The following PAK2 variants were observed in gnomAD, a reference collection of about 807,000 sequenced individuals.
PAK2 encodes p21 (RAC1) activated kinase 2.
In PAK2, 21 loss-of-function variants were observed where a neutral mutation model predicts 65.9. The observed-to-expected ratio is 0.32, with a 90% confidence interval of 0.23 to 0.46. PAK2 has a LOEUF of 0.46. Ranked by LOEUF, PAK2 falls within the 20% of genes least tolerant of loss-of-function variation. The pLI, the probability that PAK2 is intolerant of heterozygous loss-of-function variation, is 1.00. For missense variants in PAK2, 324 were observed against 642.6 expected (o/e 0.50, Z 5.36); for synonymous variants, 204 against 219.7 (o/e 0.93, Z 0.63).
At chr3:196,762,049 C>T (rs1474219939) in intron 1 of PAK2, among the ~76,000 whole-genome samples, 2 of 139,804 alleles carry the variant, frequency 1.4e-5, no homozygotes, top group Non-Finnish European at 3.1e-5. Flanking sequence ...CGCTCCTCAC[C>T]TCCCAGACGG....
chr3:196,769,448 A>C (rs1291772114), intron 1 of PAK2, among the ~76,000 whole-genome samples: 1 of 151,948 alleles, frequency 6.6e-6, no homozygotes, highest in East Asian at 1.9e-4. Context: ...TGGTGGCATT[A>C]AGTATATTCA....
In PAK2 at chr3:196,790,934, T is replaced by G. The variant is rs1482804916; in HGVS notation, c.187+8101T>G. ...GCTCTTTAGATAAACTACTTTATATTCCTTTGTATCTGTACCTTAAGCTCT... is the reference window on the plus strand; with the variant it reads ...GCTCTTTAGATAAACTACTTTATATGCCTTTGTATCTGTACCTTAAGCTCT... On this transcript the variant is annotated intron_variant, in intron 2 of 14. Coordinates refer to ENST00000327134, the MANE Select transcript of PAK2 (RefSeq NM_002577.4). Among the ~76,000 whole-genome samples, 4 of 152,224 alleles carry G rather than the reference T, an allele frequency of 2.6e-5. No homozygotes were observed. The East Asian group carries it at 7.7e-4, about 29-fold the overall frequency.
At chr3:196,782,457 C>G (rs534238374) in intron 1 of PAK2, among the ~76,000 whole-genome samples, 169 bp from the exon 2 acceptor site, 27 of 152,256 alleles carry the variant, frequency 1.8e-4, no homozygotes, top group African/African-American at 6.3e-4. Flanking sequence ...TGGGGGTAAA[C>G]TCAAGAGAGT....
chr3:196,798,671 C>T (rs1473521490), intron 2 of PAK2, among the ~76,000 whole-genome samples: 1 of 152,078 alleles, frequency 6.6e-6, no homozygotes, highest in Non-Finnish European at 1.5e-5. Context: ...AAGATTTTAG[C>T]AGTTGGAATC....
At chr3:196,761,468 T>TG (rs1278122465) in intron 1 of PAK2, among the ~76,000 whole-genome samples, 1 of 78,222 alleles carries the variant, frequency 1.3e-5, no homozygotes, top group South Asian at 4.8e-4. Flanking sequence ...AGCACAGGGT[T>TG]GGGGGTAAGG....
chr3:196,823,293 A>G (rs983648111), intron 13 of PAK2, among the ~76,000 whole-genome samples: 1 of 152,178 alleles, frequency 6.6e-6, no homozygotes, highest in Non-Finnish European at 1.5e-5. Context: ...ATCTGTTCCC[A>G]AGTAACTCAA....
chr3:196,818,392 C>G (rs1192199552), intron 12 of PAK2, among the ~76,000 whole-genome samples: 1 of 151,976 alleles, frequency 6.6e-6, no homozygotes, highest in Admixed American at 6.6e-5. Flanking sequence ...TAGGTAATGT[C>G]TTGTCTTGTC....
chr3:196,752,741 C>T (rs893916300), intron 1 of PAK2, among the ~76,000 whole-genome samples: 3 of 152,128 alleles, frequency 2.0e-5, no homozygotes, highest in African/African-American at 7.2e-5. Context: ...GCTGGGATTA[C>T]AGGCGTGTAC....
chr3:196,818,930 C>T (rs1711562920), intron 12 of PAK2, among the ~76,000 whole-genome samples: 2 of 152,086 alleles, frequency 1.3e-5, no homozygotes, highest in African/African-American at 4.8e-5. Context: ...TAAACAGTAT[C>T]TGGATTGTTT....
In PAK2 at chr3:196,806,449, C is replaced by A. The variant is rs9815601; in HGVS notation, c.469-130C>A. The A allele has an allele frequency of 5.5e-3, 3,337 of 611,604 alleles. 83 individuals carry two copies. The highest frequency in any genetic ancestry group is 0.052 in the African/African-American group (2,821 of 54,336). The allele number at this position is 611,604 out of a possible 1,614,324, so 37.9% of individuals were successfully genotyped here. On this transcript the variant is annotated intron_variant, in intron 5 of 14. Transcript: ENST00000327134. ...ATAATTCTATTGAGTTATCTAAGAG[C>A]TAATGAGATTTAGTGGTTTTGAAAT...
chr3:196,825,782 C>T (rs1711842219), intron 13 of PAK2, among the ~76,000 whole-genome samples: 1 of 152,072 alleles, frequency 6.6e-6, no homozygotes, highest in African/African-American at 2.4e-5. Context: ...TTACTTAAGC[C>T]ATTACAGTAA....
intron 1 of PAK2, among the ~76,000 whole-genome samples, chr3:196,744,081 T>A (rs572971753): frequency 6.6e-6 from 1 of 152,266 alleles, no homozygotes; most frequent in African/African-American, 2.4e-5. Flanking sequence ...GCATATTTCC[T>A]GTATAAAAGT....
chr3:196,741,620 T>G (rs1713195219), intron 1 of PAK2, among the ~76,000 whole-genome samples: 1 of 152,226 alleles, frequency 6.6e-6, no homozygotes, highest in African/African-American at 2.4e-5. Context: ...TGACCTAAAT[T>G]CAGTGTATTT....
chr3:196,806,439 T>A (rs1715586459), intron 5 of PAK2, 140 bp from the exon 6 acceptor site: 1 of 585,778 alleles, frequency 1.7e-6, no homozygotes, highest in African/African-American at 1.9e-5. Context: ...TCTATTGAGT[T>A]ATCTAAGAGC....
intron 1 of PAK2, among the ~76,000 whole-genome samples, chr3:196,759,537 T>G (rs1713893835): frequency 2.1e-5 from 2 of 95,006 alleles, no homozygotes; most frequent in African/African-American, 7.7e-5. Context: ...TTTTTTTTTT[T>G]GAGATAGAGT....
chr3:196,760,311 C>T (rs116703361), intron 1 of PAK2, among the ~76,000 whole-genome samples: 2,279 of 152,174 alleles, frequency 0.015, 52 homozygotes, highest in African/African-American at 0.052. Context: ...AGCACACTGG[C>T]GCGATCTCAG....
At chr3:196,826,342 T>TG (rs1430571882) in intron 13 of PAK2, among the ~76,000 whole-genome samples, 1 of 151,958 alleles carries the variant, frequency 6.6e-6, no homozygotes, top group African/African-American at 2.4e-5. Flanking sequence ...CGGCTAATTT[T>TG]TTGTATTTTT....
intron 7 of PAK2, 57 bp from the exon 8 acceptor site, chr3:196,810,533 A>G (rs938432318): frequency 1.1e-6 from 1 of 873,906 alleles, no homozygotes; most frequent in Non-Finnish European, 1.9e-6. Flanking sequence ...TAATAATATC[A>G]CAATCAATTT....
chr3:196,811,222 TCCCTTC>T (rs1560113591), intron 8 of PAK2, among the ~76,000 whole-genome samples: 1 of 28,030 alleles, frequency 3.6e-5, no homozygotes, highest in African/African-American at 1.7e-4. Context: ...CTTCCCTCCC[TCCCTTC>T]CCTTCCCTTC....
Sources: gnomAD v4.1 joint callset for allele counts (sites outside exome capture counted in the v4.1 genomes callset) on GRCh38, gnomAD v4.1.1 for gene constraint, MANE v1.5 for transcripts, NCBI Gene and HGNC (gene_info 2026-07-23, HGNC 2026-07-21) for gene names.